The following SNTG2 variants were observed in gnomAD, a reference collection of about 807,000 sequenced individuals.
The protein encoded by SNTG2 is gamma-2-syntrophin.
A neutral mutation model predicts 70.9 loss-of-function variants in SNTG2; 74 were observed. That is an observed-to-expected ratio of 1.04 (90% confidence interval 0.86 to 1.27). The LOEUF is 1.27. Ranked by LOEUF, SNTG2 falls within the 50% of genes most tolerant of loss-of-function variation. SNTG2 has a pLI of 0.00. For missense variants in SNTG2, 717 were observed against 690.7 expected (o/e 1.04, Z -0.43); for synonymous variants, 278 against 273.8 (o/e 1.02, Z -0.15).
chr2:1,182,594 A>G (rs1671990307), intron 8 of SNTG2, among the ~76,000 whole-genome samples: 1 of 152,228 alleles, frequency 6.6e-6, no homozygotes, highest in Admixed American at 6.5e-5. Context: ...TCCCAGGCAG[A>G]GATAGCAAAT....
intron 1 of SNTG2, among the ~76,000 whole-genome samples, chr2:1,015,379 T>G (rs548482910): frequency 6.6e-6 from 1 of 152,196 alleles, no homozygotes; most frequent in East Asian, 1.9e-4. Context: ...ATATATATTA[T>G]TTTTCAAAAA....
rs548817919 is a variant in SNTG2 at position 1,026,728 on chromosome 2, C to T, written c.73-56790C>T. The stretch of plus-strand genomic sequence containing the variant: ...CTTGCTCTGCCTTTTAAAAATACCC[C>T]GATTCCACCTCTGTCTCCCATGGCA... On this transcript the variant is annotated intron_variant, in intron 1 of 16. Transcript: ENST00000308624. 1.4e-4 allele frequency among the ~76,000 whole-genome samples: 21 copies of T among 152,274 alleles called. No individual in the cohort carries two copies. The East Asian group carries it at 1.5e-3, about 11-fold the overall frequency.
intron 1 of SNTG2, among the ~76,000 whole-genome samples, chr2:969,057 G>A (rs576289835): frequency 6.6e-6 from 1 of 152,138 alleles, no homozygotes; most frequent in African/African-American, 2.4e-5. Flanking sequence ...TGAAAGGAGG[G>A]GTCCAGTTTC....
intron 1 of SNTG2, among the ~76,000 whole-genome samples, chr2:1,022,581 G>A (rs539523039): frequency 2.0e-5 from 3 of 152,132 alleles, no homozygotes; most frequent in African/African-American, 4.8e-5. Flanking sequence ...CTGTGATTCC[G>A]AGTTTCTGAT....
intron 7 of SNTG2, among the ~76,000 whole-genome samples, chr2:1,172,172 G>C (rs1185340017): frequency 6.6e-6 from 1 of 152,200 alleles, no homozygotes; most frequent in African/African-American, 2.4e-5. Flanking sequence ...AGGTCCTCCT[G>C]CTAGTGCTGT....
chr2:1,036,341 T>G (rs1661128127), intron 1 of SNTG2, among the ~76,000 whole-genome samples: 1 of 152,204 alleles, frequency 6.6e-6, no homozygotes. Flanking sequence ...ACTCTGATAT[T>G]CTTTACAAGG....
At chr2:1,308,609 A>G (rs368864926) in intron 15 of SNTG2, 23 bp downstream of exon 15, 11 of 1,532,000 alleles carry the variant, frequency 7.2e-6, no homozygotes, top group Middle Eastern at 1.7e-4. Flanking sequence ...GCAGGCATCC[A>G]TGCCGCCCCA....
chr2:1,311,112 A>G (rs1025540962), intron 15 of SNTG2, among the ~76,000 whole-genome samples: 1 of 152,162 alleles, frequency 6.6e-6, no homozygotes, highest in Non-Finnish European at 1.5e-5. Context: ...CTCTGCTTCC[A>G]GGGAGGAACT....
chr2:1,093,980 A>G (rs28519440), intron 2 of SNTG2, among the ~76,000 whole-genome samples: 3 of 40,892 alleles, frequency 7.3e-5, no homozygotes, highest in African/African-American at 1.2e-4. Flanking sequence ...GGCTTCCTGG[A>G]CTGCAGGCGA....
chr2:1,251,010 A>G (rs1677722187), intron 12 of SNTG2, among the ~76,000 whole-genome samples: 1 of 152,170 alleles, frequency 6.6e-6, no homozygotes, highest in South Asian at 2.1e-4. Flanking sequence ...CACCATCTCC[A>G]TTCTCTCTTC....
At chr2:1,079,868 T>C (rs1270979818) in intron 1 of SNTG2, among the ~76,000 whole-genome samples, 1 of 152,254 alleles carries the variant, frequency 6.6e-6, no homozygotes, top group Non-Finnish European at 1.5e-5. Context: ...CTTTTTGATG[T>C]GAACTAAAAA....
chr2:1,135,760 C>G (rs982155189), intron 4 of SNTG2, among the ~76,000 whole-genome samples: 1 of 152,188 alleles, frequency 6.6e-6, no homozygotes, highest in Non-Finnish European at 1.5e-5. Flanking sequence ...ATCTCCTGCA[C>G]TGGACTTGTT....
At chr2:1,329,350 G>C (rs1020495775) in intron 16 of SNTG2, among the ~76,000 whole-genome samples, 4 of 152,128 alleles carry the variant, frequency 2.6e-5, no homozygotes, top group Non-Finnish European at 5.9e-5. Flanking sequence ...GACTCAAAAT[G>C]AACACAAATA....
intron 4 of SNTG2, among the ~76,000 whole-genome samples, chr2:1,134,098 T>G (rs138215865): frequency 0.043 from 6,571 of 152,052 alleles, 197 homozygotes; most frequent in Admixed American, 0.071. Flanking sequence ...GGTTCCTCCC[T>G]GTGGGTTTGT....
chr2:982,168 T>G (rs1661125228), intron 1 of SNTG2, among the ~76,000 whole-genome samples: 1 of 152,260 alleles, frequency 6.6e-6, no homozygotes, highest in Non-Finnish European at 1.5e-5. Context: ...GTCACTCACC[T>G]GTGTTGGCAA....
At chr2:1,297,607 G>A (rs538114588) in intron 14 of SNTG2, among the ~76,000 whole-genome samples, 2 of 152,074 alleles carry the variant, frequency 1.3e-5, no homozygotes, top group African/African-American at 2.4e-5. Context: ...CGTCGCCTCT[G>A]CAGCTCCTTC....
chr2:1,180,397 A>C (rs1205315169), intron 8 of SNTG2, among the ~76,000 whole-genome samples: 1 of 122,044 alleles, frequency 8.2e-6, no homozygotes, highest in Admixed American at 9.5e-5. Context: ...CCCATCAAAA[A>C]GTGGGCAAAG....
intron 1 of SNTG2, among the ~76,000 whole-genome samples, chr2:966,275 TTATATC>T (rs1397926119): frequency 6.6e-6 from 1 of 152,240 alleles, no homozygotes; most frequent in African/African-American, 2.4e-5. Context: ...TTCTGGGTAT[TTATATC>T]TATTAAGAGT....
intron 1 of SNTG2, among the ~76,000 whole-genome samples, chr2:1,046,012 G>GA (rs1003362785): frequency 3.9e-5 from 6 of 152,050 alleles, no homozygotes; most frequent in Non-Finnish European, 1.5e-5. Context: ...GACTCTCTGT[G>GA]AGTCTCTAAG....
Sources: gnomAD v4.1 joint callset for allele counts (sites outside exome capture counted in the v4.1 genomes callset) on GRCh38, gnomAD v4.1.1 for gene constraint, MANE v1.5 for transcripts, NCBI Gene and HGNC (gene_info 2026-07-23, HGNC 2026-07-21) for gene names.